Variants in CHST1 observed in about 807,000 individuals in gnomAD.
The protein encoded by CHST1 is Keratan sulfotransferase.
Under a neutral mutation model 22.5 loss-of-function variants are expected in CHST1, and 10 were observed. The observed-to-expected ratio is 0.44, with a 90% CI of 0.27 to 0.75. CHST1 has a LOEUF of 0.75. Ranked by LOEUF, CHST1 falls within the 30% of genes least tolerant of loss-of-function variation. The pLI is 0.15. For synonymous variants in CHST1, 267 were observed against 264.5 expected (o/e 1.01, Z -0.09); for missense variants, 439 against 576.1 (o/e 0.76, Z 2.44).
chr11:45,650,642 G>A lies in CHST1; in HGVS notation c.282C>T (p.Tyr94=). 6.2e-7 allele frequency: 1 copy of A among 1,614,146 alleles called. No homozygotes were observed. Among genetic ancestry groups the A allele is most frequent in the Middle Eastern group, 1.7e-4 (1 of 6,060 alleles). The change falls in exon 4 of 4, where the codon TAC becomes TAT. Residue 94 remains tyrosine (Y), a synonymous_variant. Transcript: ENST00000308064. ...LDVFYLFEPL[Y]HVQNTLIPRF... is the part of the protein sequence containing the mutation. ...GGGGGATGAGCGTGTTCTGGACGTGGTAGAGGGGCTCAAACAGGTAGAAGA... is the reference window on the plus strand; with the variant it reads ...GGGGGATGAGCGTGTTCTGGACGTGATAGAGGGGCTCAAACAGGTAGAAGA...
chr11:45,655,840 A>G (rs1034331470), intron 1 of CHST1, among the ~76,000 whole-genome samples: 1 of 152,208 alleles, frequency 6.6e-6, no homozygotes, highest in African/African-American at 2.4e-5. Context: ...AGGGCCTCCC[A>G]GTTCTAACCC....
At chr11:45,655,257 T>C (rs1008557965) in intron 1 of CHST1, among the ~76,000 whole-genome samples, 16 of 152,208 alleles carry the variant, frequency 1.1e-4, no homozygotes, top group Non-Finnish European at 2.2e-4. Context: ...TAAATGTCAA[T>C]TAATATCATC....
rs752781504 is a variant in CHST1 at position 45,650,223 on chromosome 11, C to G, written c.701G>C (p.Arg234Pro). The stretch of plus-strand genomic sequence containing the variant: ...CGAAGCCAGAATGCCGCGGGGGTCT[C>G]GGACCAGCTGGATGACCTTGAGGTT... ...RLNLKVIQLV[R>P]DPRGILASRS... The change falls in exon 4 of 4, where the codon CGA becomes CCA. Residue 234 changes from arginine to proline, a missense_variant. By Grantham distance (103) the Arg-to-Pro change is moderately radical (BLOSUM62 -2). Coordinates refer to ENST00000308064, the MANE Select transcript of CHST1 (RefSeq NM_003654.6). 2 of 1,609,924 alleles carry G rather than the reference C, an allele frequency of 1.2e-6. No individual in the cohort carries two copies. Among genetic ancestry groups the G allele is most frequent in the Non-Finnish European group, 1.7e-6 (2 of 1,179,912 alleles).
intron 1 of CHST1, among the ~76,000 whole-genome samples, chr11:45,657,861 C>T (rs750665855): frequency 6.6e-6 from 1 of 152,142 alleles, no homozygotes; most frequent in Non-Finnish European, 1.5e-5. Flanking sequence ...CCCTAGAATC[C>T]CTGGGCCCCA....
chr11:45,650,451 C>T lies in CHST1; in HGVS notation c.473G>A (p.Arg158Gln), dbSNP rs1231169005. ...GCACACAGGCCGGGAGCAGAGGACC[C>T]GGCTGGCCCCGCGGCGGAAGATCCT... The part of the protein sequence containing the change: ...TDRIFRRGAS[R>Q]VLCSRPVCDP... The change falls in exon 4 of 4, where the codon CGG (arginine) becomes CAG (glutamine). Residue 158 changes from arginine to glutamine, a missense_variant. By Grantham distance (43) the Arg-to-Gln change is conservative (BLOSUM62 1). Transcript: ENST00000308064. 1 of 1,611,766 alleles carries T rather than the reference C, an allele frequency of 6.2e-7. No individual in the cohort carries two copies. The highest frequency in any genetic ancestry group is 2.2e-5 in the East Asian group (1 of 44,856).
intron 1 of CHST1, among the ~76,000 whole-genome samples, chr11:45,659,965 C>G (rs1339152594): frequency 2.6e-5 from 4 of 152,176 alleles, no homozygotes; most frequent in African/African-American, 4.8e-5. Context: ...TGAGGCTCAC[C>G]CTGTCACCCC....
intron 1 of CHST1, among the ~76,000 whole-genome samples, chr11:45,658,240 G>A (rs1426783538): frequency 1.3e-5 from 2 of 152,180 alleles, no homozygotes; most frequent in Non-Finnish European, 2.9e-5. Context: ...TTGTCCTTAT[G>A]TAGGAAATGG....
rs1852191064 is a variant in CHST1 at position 45,665,613 on chromosome 11, A to C, written c.-662T>G. 6.6e-6 allele frequency: 1 copy of C among 151,172 alleles called. No homozygotes were observed. Among genetic ancestry groups the C allele is most frequent in the South Asian group, 2.1e-4 (1 of 4,826 alleles). The allele number at this position is 151,172 out of a possible 1,614,324, so 9.4% of individuals were successfully genotyped here. A position where few individuals can be genotyped will look rare whatever the true frequency, so the allele number is the denominator to read the frequency against. ...GAGCAGCGGCGGCAGCGGCGGCTAC[A>C]GCTCCGAGCGAGCGGCAGGCGCTGC... is the stretch of plus-strand genomic sequence containing the variant. On this transcript the variant is annotated 5_prime_UTR_variant, in exon 1 of 4. Transcript: ENST00000308064. The surrounding 1 kb of genome is among the most constrained non-coding windows in gnomAD (Gnocchi z 4.0).
Position 45,649,876 on chromosome 11 carries a change from C to G in CHST1, c.1048G>C (p.Val350Leu), listed in dbSNP as rs770036713. ...TCGGCCGTGGCCGCCGAGTTTCGCA[C>G]GGTGCCGTATTTGTGCTTGCCCAGG... ...PTLGKHKYGT[V>L]RNSAATAEKW... Residue 350 changes from valine (V) to leucine (L), a missense_variant, in exon 4 of 4, where the codon GTG becomes CTG. Coordinates refer to ENST00000308064, the MANE Select transcript of CHST1 (RefSeq NM_003654.6). The G allele has an allele frequency of 2.9e-5, 46 of 1,611,000 alleles. 1 individual carries two copies. The South Asian group carries it at 3.7e-4, about 13-fold the overall frequency.
Position 45,650,084 on chromosome 11 carries a change from G to A in CHST1, c.840C>T (p.Ser280=), listed in dbSNP as rs1331835304. The A allele has an allele frequency of 7.4e-6, 12 of 1,613,982 alleles. No individual in the cohort carries two copies. The highest frequency in any genetic ancestry group is 1.3e-5 in the African/African-American group (1 of 74,940). The part of the protein sequence containing the change: ...TQLTTVCEDF[S]NSVSTGLMRP... ...GCATGAGGCCGGTGGACACGGAGTTGGAGAAGTCCTCGCACACCGTGGTCA... is the reference window on the plus strand; with the variant it reads ...GCATGAGGCCGGTGGACACGGAGTTAGAGAAGTCCTCGCACACCGTGGTCA... Residue 280 remains serine, a synonymous_variant, in exon 4 of 4, where the codon TCC becomes TCT. Transcript: ENST00000308064.
rs1851942193 is a variant in CHST1 at position 45,648,268 on chromosome 11, G to T, written c.*1420C>A. 6.6e-6 allele frequency among the ~76,000 whole-genome samples: 1 copy of T among 152,042 alleles called. No homozygotes were observed. Among genetic ancestry groups the T allele is most frequent in the African/African-American group, 2.4e-5 (1 of 41,370 alleles). ...ACTAAATGGGTAACATTTAGCACAA[G>T]AAGGGATTCCAGGATGTCATTCTTA... On this transcript the variant is annotated 3_prime_UTR_variant, in exon 4 of 4. Transcript: ENST00000308064.
rs145528990 is a variant in CHST1, at chr11:45,650,638, C to T, written c.286G>A (p.Val96Ile). ...VFYLFEPLYH[V>I]QNTLIPRFTQ... ...AAGCGGGGGATGAGCGTGTTCTGGACGTGGTAGAGGGGCTCAAACAGGTAG... is the reference window on the plus strand; with the variant it reads ...AAGCGGGGGATGAGCGTGTTCTGGATGTGGTAGAGGGGCTCAAACAGGTAG... Residue 96 changes from valine to isoleucine, a missense_variant, in exon 4 of 4, where the codon GTC (valine) becomes ATC (isoleucine). By Grantham distance (29) the Val-to-Ile change is conservative (BLOSUM62 3). Coordinates refer to ENST00000308064, the MANE Select transcript of CHST1 (RefSeq NM_003654.6). The T allele has an allele frequency of 1.2e-6, 2 of 1,614,092 alleles. No individual in the cohort carries two copies. Among genetic ancestry groups the T allele is most frequent in the Non-Finnish European group, 8.5e-7 (1 of 1,179,992 alleles).
chr11:45,650,628 G>A lies in CHST1; in HGVS notation c.296C>T (p.Thr99Met). The change falls in exon 4 of 4, where the codon ACG becomes ATG. Residue 99 changes from threonine (T) to methionine (M), a missense_variant. Thr to Met is a moderately conservative substitution (Grantham distance 81). Coordinates refer to ENST00000308064, the MANE Select transcript of CHST1 (RefSeq NM_003654.6). ...GCCCTGGGTGAAGCGGGGGATGAGC[G>A]TGTTCTGGACGTGGTAGAGGGGCTC... ...LFEPLYHVQN[T>M]LIPRFTQGKS... 6.2e-7 allele frequency: 1 copy of A among 1,614,112 alleles called. No individual in the cohort carries two copies. The highest frequency in any genetic ancestry group is 8.5e-7 in the Non-Finnish European group (1 of 1,179,988).
chr11:45,660,663 C>T (rs1484916761), intron 1 of CHST1, among the ~76,000 whole-genome samples: 2 of 152,180 alleles, frequency 1.3e-5, no homozygotes, highest in Non-Finnish European at 2.9e-5. Flanking sequence ...AGAATGTCTG[C>T]AGCAGGCTCG....
rs1330226661 is a variant in CHST1 at position 45,648,167 on chromosome 11, T to A, written c.*1521A>T. ...AGTCAAATACTTCCAGGTCTGTGGGTCAGCAGCCACTGCCCTGAGGCACCC... is the reference window on the plus strand; with the variant it reads ...AGTCAAATACTTCCAGGTCTGTGGGACAGCAGCCACTGCCCTGAGGCACCC... On this transcript the variant is annotated 3_prime_UTR_variant, in exon 4 of 4. Coordinates refer to ENST00000308064, the MANE Select transcript of CHST1 (RefSeq NM_003654.6). Among the ~76,000 whole-genome samples, 1 of 152,106 alleles carries A rather than the reference T, an allele frequency of 6.6e-6. No homozygotes were observed. The highest frequency in any genetic ancestry group is 2.4e-5 in the African/African-American group (1 of 41,404).
rs1359042361 is a variant in CHST1 at position 45,649,573 on chromosome 11, G to GA, written c.*114dup. On this transcript the variant is annotated 3_prime_UTR_variant, in exon 4 of 4. Transcript: ENST00000308064. ...AGGGAGTGGGGTGAGCTGGGGGCAG[G>GA]AAGGACACGAAGATGAGGTGGGAGA... 9 of 1,100,988 alleles carry GA rather than the reference G, an allele frequency of 8.2e-6. No homozygotes were observed. The African/African-American group carries it at 1.3e-4, about 15-fold the overall frequency. The allele number at this position is 1,100,988 out of a possible 1,614,324, so 68.2% of individuals were successfully genotyped here. A position where few individuals can be genotyped will look rare whatever the true frequency, so the allele number is the denominator to read the frequency against.
chr11:45,660,070 G>C (rs1019629967), intron 1 of CHST1, among the ~76,000 whole-genome samples: 5 of 152,186 alleles, frequency 3.3e-5, no homozygotes, highest in Admixed American at 1.3e-4. Context: ...CATCAACAGG[G>C]ACCTCCATTG....
In CHST1 at chr11:45,650,356, G is replaced by C. The variant is rs1312077930; in HGVS notation, c.568C>G (p.Leu190Val). The C allele has an allele frequency of 6.2e-7, 1 of 1,603,432 alleles. No homozygotes were observed. The highest frequency in any genetic ancestry group is 8.5e-7 in the Non-Finnish European group (1 of 1,179,742). ...DCVRKCGLLNLTVAAEACRER... is the reference protein window; with the variant it reads ...DCVRKCGLLNVTVAAEACRER... Reference sequence around the variant, plus strand: ...CGGCACGCCTCGGCCGCCACGGTCAGGTTGAGTAGCCCGCACTTGCGCACA... The same window carrying C: ...CGGCACGCCTCGGCCGCCACGGTCACGTTGAGTAGCCCGCACTTGCGCACA... The change falls in exon 4 of 4, where the codon CTG becomes GTG. Residue 190 changes from leucine (L) to valine (V), a missense_variant. Transcript: ENST00000308064.
chr11:45,652,910 T>C (rs1852014980), intron 1 of CHST1, among the ~76,000 whole-genome samples: 2 of 152,226 alleles, frequency 1.3e-5, no homozygotes, highest in African/African-American at 4.8e-5. Context: ...GAGATTTGGC[T>C]TCCTGTTCCT....
Sources: gnomAD v4.1 joint callset for allele counts (sites outside exome capture counted in the v4.1 genomes callset) on GRCh38, gnomAD v4.1.1 for gene constraint, Gnocchi (gnomAD v3.1) non-coding constraint, MANE v1.5 for transcripts, NCBI Gene and HGNC (gene_info 2026-07-23, HGNC 2026-07-21) for gene names.